The following PLPP1 variants were observed in gnomAD, a reference collection of about 807,000 sequenced individuals.
PLPP1 encodes lipid phosphate phosphohydrolase 1a.
PLPP1 carries 24 observed loss-of-function variants against 31.2 expected under a neutral mutation model. That is an observed-to-expected ratio of 0.77 (90% CI 0.56 to 1.08). The LOEUF is 1.08. PLPP1 is among the 50% of genes least tolerant of loss of function. The pLI is 0.00. For synonymous variants in PLPP1, 146 were observed against 126.3 expected, an observed-to-expected ratio of 1.16 and a Z score of -1.05; for missense variants, 319 against 342.7, an observed-to-expected ratio of 0.93 and a Z score of 0.55.
intron 1 of PLPP1, among the ~76,000 whole-genome samples, chr5:55,534,224 G>A (rs1303151914): frequency 6.6e-6 from 1 of 152,146 alleles, no homozygotes; most frequent in African/African-American, 2.4e-5. Flanking sequence ...TACTGAGATG[G>A]GCCAGTGACC....
intron 2 of PLPP1, among the ~76,000 whole-genome samples, chr5:55,468,579 A>G (rs1208578995): frequency 1.3e-5 from 2 of 152,148 alleles, no homozygotes; most frequent in African/African-American, 4.8e-5. Context: ...AGGGAGGTGG[A>G]TCACCCAAGG....
intron 1 of PLPP1, 24 bp downstream of exon 1, chr5:55,534,548 T>A: frequency 6.5e-7 from 1 of 1,527,192 alleles, no homozygotes; most frequent in Non-Finnish European, 8.8e-7. Context: ...CACACGCCCC[T>A]CGGACCCGGC....
At chr5:55,496,955 C>A (rs183126884) in intron 1 of PLPP1, among the ~76,000 whole-genome samples, 74 of 152,190 alleles carry the variant, frequency 4.9e-4, no homozygotes, top group African/African-American at 1.7e-3. Context: ...CAATGTTAAT[C>A]CCTAATATGT....
At chr5:55,426,406 G>A (rs1301759213) in intron 4 of PLPP1, among the ~76,000 whole-genome samples, 1 of 152,026 alleles carries the variant, frequency 6.6e-6, no homozygotes, top group African/African-American at 2.4e-5. Flanking sequence ...TTTTTTTATT[G>A]TTTTCCTTAA....
intron 3 of PLPP1, among the ~76,000 whole-genome samples, chr5:55,459,193 C>A: frequency 7.0e-6 from 1 of 142,418 alleles, no homozygotes. Context: ...TTTCTAAACA[C>A]AAAGAAATAC....
At chr5:55,465,785 T>C (rs1320598211) in intron 3 of PLPP1, among the ~76,000 whole-genome samples, 1 of 152,166 alleles carries the variant, frequency 6.6e-6, no homozygotes, top group East Asian at 1.9e-4. Flanking sequence ...GTTCATCCCC[T>C]CTGTTCCTAC....
intron 1 of PLPP1, among the ~76,000 whole-genome samples, chr5:55,492,930 T>G (rs1752925575): frequency 6.6e-6 from 1 of 152,192 alleles, no homozygotes; most frequent in Non-Finnish European, 1.5e-5. Context: ...GTGATCTGGC[T>G]AGGTTAACAG....
intron 4 of PLPP1, among the ~76,000 whole-genome samples, chr5:55,439,947 A>G (rs1364904160): frequency 1.3e-5 from 2 of 152,188 alleles, no homozygotes; most frequent in African/African-American, 2.4e-5. Flanking sequence ...GTTCAGACCA[A>G]GTAATCAATC....
intron 3 of PLPP1, among the ~76,000 whole-genome samples, chr5:55,453,568 CA>C (rs1401267110): frequency 1.3e-5 from 2 of 152,182 alleles, no homozygotes; most frequent in Non-Finnish European, 2.9e-5. Context: ...CCATTATGGT[CA>C]AAGGCAGTCA....
chr5:55,466,702 CAAAAAAAA>C lies in PLPP1; in HGVS notation c.491+1159_491+1166del, dbSNP rs1302481518. On this transcript the variant is annotated intron_variant, in intron 3 of 5. Transcript: ENST00000307259. ...TGGGTAACAGAGCAAGACTCCATCTCAAAAAAAAGAAAAAAAGGAAAAGAAAAAAAAAA... is the reference window on the plus strand; with the variant it reads ...TGGGTAACAGAGCAAGACTCCATCTCGAAAAAAAGGAAAAGAAAAAAAAAA... Among the ~76,000 whole-genome samples, 5 of 144,950 alleles carry C rather than the reference CAAAAAAAA, an allele frequency of 3.4e-5. No individual in the cohort carries two copies. The East Asian group carries it at 1.0e-3, about 29-fold the overall frequency.
intron 3 of PLPP1, among the ~76,000 whole-genome samples, chr5:55,454,920 T>C (rs1185681418): frequency 1.3e-5 from 2 of 152,224 alleles, no homozygotes; most frequent in African/African-American, 2.4e-5. Context: ...GTAAAGCCAG[T>C]TGTACTAGGT....
At chr5:55,463,819 A>AAATAAATAAAT (rs1752223430) in intron 3 of PLPP1, among the ~76,000 whole-genome samples, 8 of 149,998 alleles carry the variant, frequency 5.3e-5, no homozygotes, top group African/African-American at 1.9e-4. Context: ...ATAAATAAAT[A>AAATAAATAAAT]AATAAATAAA....
At chr5:55,428,006 C>T (rs1751253337) in intron 4 of PLPP1, among the ~76,000 whole-genome samples, 1 of 152,116 alleles carries the variant, frequency 6.6e-6, no homozygotes, top group Non-Finnish European at 1.5e-5. Flanking sequence ...AGGCTGGTCT[C>T]AAACTCCTGA....
At chr5:55,440,751 A>T (rs1388449750) in intron 4 of PLPP1, among the ~76,000 whole-genome samples, 3 of 152,240 alleles carry the variant, frequency 2.0e-5, no homozygotes, top group Non-Finnish European at 4.4e-5. Flanking sequence ...TAAAAGCAAG[A>T]TTCTAGTAAA....
chr5:55,525,416 C>G (rs1753759361), intron 1 of PLPP1, among the ~76,000 whole-genome samples: 1 of 152,218 alleles, frequency 6.6e-6, no homozygotes, highest in Admixed American at 6.5e-5. Flanking sequence ...CATCACTAGA[C>G]TATGCTGCCT....
At chr5:55,452,549 T>C (rs1011140037) in intron 3 of PLPP1, among the ~76,000 whole-genome samples, 1 of 152,218 alleles carries the variant, frequency 6.6e-6, no homozygotes, top group African/African-American at 2.4e-5. Flanking sequence ...ATACACTACT[T>C]ACAGTTCCCA....
chr5:55,473,997 G>GTTTTTGT (rs1554039230), intron 2 of PLPP1, among the ~76,000 whole-genome samples: 2,291 of 27,958 alleles, frequency 0.082, 48 homozygotes, highest in Middle Eastern at 0.33. Context: ...TTTGTTTGTT[G>GTTTTTGT]TTTTTTTTTT....
rs1376453525 is a variant in PLPP1, at chr5:55,426,055, A to T, written c.550-16T>A. 1 of 1,562,188 alleles carries T rather than the reference A, an allele frequency of 6.4e-7. No individual in the cohort carries two copies. The highest frequency in any genetic ancestry group is 8.6e-7 in the Non-Finnish European group (1 of 1,161,002). ...GAAGATAAAGCTAAAAGAAAAGAAT[A>T]AAGAAAAAAATAGTTTATTTAACAT... On this transcript the variant is annotated splice_polypyrimidine_tract_variant and intron_variant, in intron 4 of 5. Transcript: ENST00000307259.
chr5:55,453,674 C>T lies in PLPP1; in HGVS notation c.492-11766G>A, dbSNP rs190520755. On this transcript the variant is annotated intron_variant, in intron 3 of 5. Transcript: ENST00000307259. ...CAAGTCTTAGGCCGGATACCGTTGG[C>T]TCCCACCTGTAATCCTAGCAATTTG... Among the ~76,000 whole-genome samples the T allele has an allele frequency of 3.6e-3, 550 of 152,314 alleles. 5 individuals carry two copies. Among genetic ancestry groups the T allele is most frequent in the African/African-American group, 0.012 (509 of 41,574 alleles).
Sources: gnomAD v4.1 joint callset for allele counts (sites outside exome capture counted in the v4.1 genomes callset) on GRCh38, gnomAD v4.1.1 for gene constraint, MANE v1.5 for transcripts, NCBI Gene and HGNC (gene_info 2026-07-23, HGNC 2026-07-21) for gene names.